The following LMF1 variants were observed in gnomAD, a reference collection of about 807,000 sequenced individuals.
LMF1 encodes transmembrane protein 112.
Under a neutral mutation model 60.6 loss-of-function variants are expected in LMF1, and 68 were observed. The ratio of observed to expected loss-of-function variants is 1.12; its 90% CI spans 0.92 to 1.37. The LOEUF (loss-of-function observed/expected upper bound fraction) is 1.37. LMF1 is among the 40% of genes most tolerant of loss of function. The pLI is 0.00. For missense variants in LMF1, 948 were observed against 767.2 expected (o/e 1.24, Z -2.78); for synonymous variants, 418 against 324.7 (o/e 1.29, Z -3.09).
At chr16:915,520 C>T (rs975339998) in intron 3 of LMF1, among the ~76,000 whole-genome samples, 4 of 152,204 alleles carry the variant, frequency 2.6e-5, no homozygotes, top group Non-Finnish European at 5.9e-5. Flanking sequence ...GCGAGATCTG[C>T]GCCTGGCGGC....
chr16:911,095 A>G lies in LMF1; in HGVS notation c.515-16T>C, dbSNP rs1474584830. On this transcript the variant is annotated splice_polypyrimidine_tract_variant and intron_variant, in intron 3 of 10. Coordinates refer to ENST00000262301, the MANE Select transcript of LMF1 (RefSeq NM_022773.4). ...GACTCCCATCCTAAAACAACGAGAC[A>G]TACCAAAGGTGAGTTAATGGAAGCC... The G allele has an allele frequency of 6.2e-7, 1 of 1,607,646 alleles. No individual in the cohort carries two copies. Among genetic ancestry groups the G allele is most frequent in the South Asian group, 1.1e-5 (1 of 89,950 alleles).
intron 4 of LMF1, among the ~76,000 whole-genome samples, chr16:907,043 C>T (rs925484290): frequency 6.6e-6 from 1 of 152,172 alleles, no homozygotes; most frequent in Non-Finnish European, 1.5e-5. Context: ...TTTTATGGTT[C>T]TGAATGTTAT....
intron 4 of LMF1, chr16:900,457 G>A (rs766446027): frequency 3.9e-5 from 6 of 152,120 alleles, no homozygotes; most frequent in Non-Finnish European, 8.8e-5. Flanking sequence ...AGCTGCACAG[G>A]TGTGAGTTTG....
chr16:871,045 A>C, intron 7 of LMF1, 116 bp downstream of exon 7: 2 of 1,395,334 alleles, frequency 1.4e-6, no homozygotes, highest in Non-Finnish European at 1.9e-6. Flanking sequence ...TACACTGCGG[A>C]CGGCGCTGAC....
chr16:931,726 A>G, intron 3 of LMF1: 3 of 1,287,156 alleles, frequency 2.3e-6, no homozygotes, highest in South Asian at 2.5e-5. Flanking sequence ...AGGCAGGGAG[A>G]GCACTGCCGA....
intron 6 of LMF1, chr16:873,845 C>A (rs371177912): frequency 3.9e-5 from 6 of 152,410 alleles, no homozygotes; most frequent in African/African-American, 1.4e-4. Context: ...GAGCCCTATG[C>A]CTGACCCACG....
intron 10 of LMF1, among the ~76,000 whole-genome samples, chr16:858,435 A>ACGGGACGGGTGTGAGTGGTGACT (rs2069284317): frequency 1.1e-4 from 2 of 18,340 alleles, no homozygotes; most frequent in African/African-American, 7.4e-4. Context: ...GAGTGGTGTC[A>ACGGGACGGGTGTGAGTGGTGACT]CGGGACGGGT....
chr16:954,502 A>C lies in LMF1; in HGVS notation c.358T>G (p.Ser120Ala), dbSNP rs1257912037. 6.2e-7 allele frequency: 1 copy of C among 1,612,778 alleles called. No individual in the cohort carries two copies. Among genetic ancestry groups the C allele is most frequent in the Non-Finnish European group, 8.5e-7 (1 of 1,179,572 alleles). Residue 120 changes from serine to alanine, a missense_variant, in exon 2 of 11, where the codon TCA (serine) becomes GCA (alanine). Transcript: ENST00000262301. ...AAGTCCAGGTTGGAGTTCATGTCTGACCAGTCCATCAGCCAGAGGATGGTG... is the reference window on the plus strand; with the variant it reads ...AAGTCCAGGTTGGAGTTCATGTCTGCCCAGTCCATCAGCCAGAGGATGGTG... Reference protein sequence around the residue: ...MPTILWLMDWSDMNSNLDLLA... With the variant: ...MPTILWLMDWADMNSNLDLLA...
At chr16:909,676 G>A (rs371790449) in intron 4 of LMF1, among the ~76,000 whole-genome samples, 19 of 152,294 alleles carry the variant, frequency 1.2e-4, no homozygotes, top group African/African-American at 4.1e-4. Flanking sequence ...TCCTGAGTCC[G>A]TGGCCAGTGC....
intron 4 of LMF1, among the ~76,000 whole-genome samples, chr16:909,769 G>A (rs983516577): frequency 6.6e-6 from 1 of 152,248 alleles, no homozygotes; most frequent in African/African-American, 2.4e-5. Flanking sequence ...TCGGGCCCCT[G>A]CCTGCGGCAT....
intron 2 of LMF1, among the ~76,000 whole-genome samples, chr16:936,582 A>G (rs2071954313): frequency 6.7e-6 from 1 of 150,282 alleles, no homozygotes; most frequent in African/African-American, 2.5e-5. Context: ...GAGAGAGGGC[A>G]CCCCGTGGGC....
Position 869,043 on chromosome 16 carries a change from T to C in LMF1, c.1430A>G (p.Asn477Ser), listed in dbSNP as rs1425641489. The C allele has an allele frequency of 6.2e-7, 1 of 1,611,854 alleles. No individual in the cohort carries two copies. The highest frequency in any genetic ancestry group is 8.5e-7 in the Non-Finnish European group (1 of 1,178,970). ...WFAAFQTYEHNDWIIHLAGKL... is the reference protein window; with the variant it reads ...WFAAFQTYEHSDWIIHLAGKL... ...GCCAGCCAGGTGGATGATCCAGTCG[T>C]TGTGCTCGTAGGTCTGGGAGGAGAG... The change falls in exon 10 of 11, where the codon AAC (asparagine) becomes AGC (serine). Residue 477 changes from asparagine (N) to serine (S), a missense_variant. Coordinates refer to ENST00000262301, the MANE Select transcript of LMF1 (RefSeq NM_022773.4).
chr16:945,914 G>A (rs2151456369), intron 2 of LMF1, among the ~76,000 whole-genome samples: 1 of 152,330 alleles, frequency 6.6e-6, no homozygotes, highest in Non-Finnish European at 1.5e-5. Flanking sequence ...AAAAGCCTCA[G>A]TACAAGGTGC....
Position 932,834 on chromosome 16 carries a change from G to A in LMF1, c.514+1410C>T, listed in dbSNP as rs78751797. ...TACTGAATGTATCCTGGCGCACTGC[G>A]GGGGAGGCCCAGGGACTCAGGTCAC... On this transcript the variant is annotated intron_variant, in intron 3 of 10. Transcript: ENST00000262301. 6.8e-3 allele frequency among the ~76,000 whole-genome samples: 1,030 copies of A among 151,898 alleles called. 11 individuals carry two copies. Among genetic ancestry groups the A allele is most frequent in the African/African-American group, 0.023 (954 of 41,202 alleles).
intron 1 of LMF1, among the ~76,000 whole-genome samples, chr16:966,358 G>A (rs575228301): frequency 2.3e-4 from 35 of 152,328 alleles, no homozygotes; most frequent in Non-Finnish European, 4.3e-4. Flanking sequence ...GGCCCTGGCC[G>A]GGGCGGTTCC....
intron 6 of LMF1, among the ~76,000 whole-genome samples, chr16:876,560 G>C (rs1596880121): frequency 6.6e-6 from 1 of 152,192 alleles, no homozygotes; most frequent in African/African-American, 2.4e-5. Context: ...GGGGATAAGG[G>C]AACCTTTGTA....
intron 3 of LMF1, among the ~76,000 whole-genome samples, chr16:919,908 C>T (rs1172045559): frequency 1.3e-5 from 2 of 152,164 alleles, no homozygotes; most frequent in Non-Finnish European, 2.9e-5. Context: ...GGCAGTCAGG[C>T]TCCTGCCCCC....
chr16:913,671 G>A (rs917558084), intron 3 of LMF1, among the ~76,000 whole-genome samples: 2 of 152,256 alleles, frequency 1.3e-5, no homozygotes, highest in Admixed American at 1.3e-4. Context: ...CCCAGCCAGC[G>A]CTGCAGGTAA....
intron 4 of LMF1, among the ~76,000 whole-genome samples, chr16:894,356 ACCTGTCCCCCCGTCCACCTGGCCATCCG>A (rs2070598591): frequency 5.3e-5 from 2 of 37,588 alleles, no homozygotes; most frequent in African/African-American, 9.5e-5. Flanking sequence ...CCGTCCGCCC[ACCTGTCCCCCCGTCCACCTGGCCATCCG>A]CCCACCTGTC....
Sources: allele counts gnomAD v4.1 joint callset (sites outside exome capture counted in the v4.1 genomes callset), GRCh38; gene constraint gnomAD v4.1.1; transcripts MANE v1.5; gene names NCBI Gene and HGNC (gene_info 2026-07-23, HGNC 2026-07-21).